The following HS3ST2 variants were observed in gnomAD, a reference collection of about 807,000 sequenced individuals.
HS3ST2 encodes the protein heparan sulfate glucosamine 3-O-sulfotransferase 2.
A neutral mutation model predicts 26.3 loss-of-function variants in HS3ST2; 17 were observed. The observed-to-expected ratio is 0.65, with a 90% CI of 0.44 to 0.97. The LOEUF (loss-of-function observed/expected upper bound fraction) is 0.97, where lower values mean the gene tolerates loss of function less well. HS3ST2 is among the 50% of genes least tolerant of loss of function. The pLI is 0.00. For synonymous variants in HS3ST2, 237 were observed against 219.2 expected (o/e 1.08, Z -0.72); for missense variants, 402 against 501.2 (o/e 0.80, Z 1.89).
intron 1 of HS3ST2, among the ~76,000 whole-genome samples, chr16:22,887,638 C>T (rs575019375): frequency 1.1e-4 from 17 of 152,316 alleles, no homozygotes; most frequent in Non-Finnish European, 2.2e-4. Context: ...GTGCTTGGCT[C>T]AGATCCCTCT....
intron 1 of HS3ST2, among the ~76,000 whole-genome samples, chr16:22,880,283 G>T (rs538337906): frequency 1.1e-3 from 168 of 152,230 alleles, no homozygotes; most frequent in African/African-American, 3.8e-3. Flanking sequence ...GCTGGGTGTG[G>T]TGGCACACCT....
chr16:22,874,669 G>T (rs1596622204), intron 1 of HS3ST2, among the ~76,000 whole-genome samples: 1 of 152,222 alleles, frequency 6.6e-6, no homozygotes, highest in East Asian at 1.9e-4. Context: ...ACCTGCTGGG[G>T]CTGGAACCTG....
chr16:22,889,891 A>G (rs917859320), intron 1 of HS3ST2, among the ~76,000 whole-genome samples: 3 of 152,198 alleles, frequency 2.0e-5, no homozygotes, highest in African/African-American at 7.2e-5. Flanking sequence ...GAAATAACAG[A>G]CTTTTGACAA....
chr16:22,857,005 C>T (rs191296964), intron 1 of HS3ST2, among the ~76,000 whole-genome samples: 2 of 152,190 alleles, frequency 1.3e-5, no homozygotes, highest in Admixed American at 1.3e-4. Context: ...ATAATATATT[C>T]GAGGCACTAT....
chr16:22,870,191 G>A (rs528366654), intron 1 of HS3ST2, among the ~76,000 whole-genome samples: 5 of 152,016 alleles, frequency 3.3e-5, no homozygotes, highest in African/African-American at 7.2e-5. Flanking sequence ...CCTCTGACTC[G>A]CTCATGCATA....
chr16:22,853,268 C>T (rs1901542770), intron 1 of HS3ST2, among the ~76,000 whole-genome samples: 1 of 152,190 alleles, frequency 6.6e-6, no homozygotes. Flanking sequence ...TGTTTTCAAA[C>T]TTCTTACAGG....
At chr16:22,823,553 G>A (rs936773607) in intron 1 of HS3ST2, among the ~76,000 whole-genome samples, 7 of 151,482 alleles carry the variant, frequency 4.6e-5, no homozygotes, top group South Asian at 2.1e-4. Flanking sequence ...GGAGGCCGAC[G>A]CTGGGTAATC....
chr16:22,840,072 T>C (rs889728645), intron 1 of HS3ST2, among the ~76,000 whole-genome samples: 25 of 152,252 alleles, frequency 1.6e-4, no homozygotes, highest in African/African-American at 6.0e-4. Context: ...GAGCTGGAAT[T>C]GTGGTGCAAA....
chr16:22,816,349 G>T (rs148193684), intron 1 of HS3ST2, among the ~76,000 whole-genome samples: 1 of 152,168 alleles, frequency 6.6e-6, no homozygotes, highest in Non-Finnish European at 1.5e-5. Context: ...ATTGGACAAG[G>T]GACAACTTTG....
chr16:22,885,647 G>A (rs1358401857), intron 1 of HS3ST2, among the ~76,000 whole-genome samples: 1 of 151,962 alleles, frequency 6.6e-6, no homozygotes, highest in Non-Finnish European at 1.5e-5. Context: ...ATAGAGACGG[G>A]CCTTCACCGT....
chr16:22,849,278 T>C (rs1307686609), intron 1 of HS3ST2, among the ~76,000 whole-genome samples: 1 of 152,204 alleles, frequency 6.6e-6, no homozygotes, highest in Non-Finnish European at 1.5e-5. Flanking sequence ...TACTTACCTC[T>C]TTAAAGTAAC....
Position 22,860,835 on chromosome 16 carries a change from A to G in HS3ST2, c.485+45740A>G, listed in dbSNP as rs185303342. On this transcript the variant is annotated intron_variant, in intron 1 of 1. Coordinates refer to ENST00000261374, the MANE Select transcript of HS3ST2 (RefSeq NM_006043.2). ...CATCTTACAATATATGGTAGAATAT[A>G]TAGTATATTTAATATAGTAATAGAT... Among the ~76,000 whole-genome samples the G allele has an allele frequency of 6.0e-4, 90 of 150,564 alleles. 1 individual carries two copies. Among genetic ancestry groups the G allele is most frequent in the African/African-American group, 2.1e-3 (86 of 41,146 alleles).
intron 1 of HS3ST2, among the ~76,000 whole-genome samples, chr16:22,894,688 C>T (rs1281575699): frequency 2.0e-5 from 3 of 151,194 alleles, no homozygotes; most frequent in East Asian, 2.0e-4. Context: ...CACTTGAGGC[C>T]AGATGTTCAA....
intron 1 of HS3ST2, among the ~76,000 whole-genome samples, chr16:22,874,907 C>G (rs1204459446): frequency 3.9e-5 from 6 of 152,142 alleles, no homozygotes; most frequent in Non-Finnish European, 5.9e-5. Flanking sequence ...AGGGTCAATC[C>G]CAAATCACAT....
chr16:22,906,392 T>TAAATAAATAAATAAAA (rs1363386971), intron 1 of HS3ST2, among the ~76,000 whole-genome samples: 2 of 151,890 alleles, frequency 1.3e-5, no homozygotes, highest in African/African-American at 2.4e-5. Flanking sequence ...AATAAATAAA[T>TAAATAAATAAATAAAA]AAAATTTCAG....
At position 22,815,045 on chromosome 16, in the gene HS3ST2, G is replaced by T. The variant is rs200237470; in HGVS notation, c.435G>T (p.Thr145=). ...ACCCGGACGTGCGGGCCTTGGGCACGGAACCCCACTTCTTTGACAGGAACT... is the reference window on the plus strand; with the variant it reads ...ACCCGGACGTGCGGGCCTTGGGCACTGAACCCCACTTCTTTGACAGGAACT... The part of the protein sequence containing the change: ...RVHPDVRALG[T]EPHFFDRNYG... Residue 145 remains threonine (T), a synonymous_variant, in exon 1 of 2, where the codon ACG becomes ACT. Transcript: ENST00000261374. 6.2e-7 allele frequency: 1 copy of T among 1,613,018 alleles called. No homozygotes were observed. The highest frequency in any genetic ancestry group is 8.5e-7 in the Non-Finnish European group (1 of 1,180,032).
intron 1 of HS3ST2, among the ~76,000 whole-genome samples, chr16:22,885,452 T>C (rs1025443685): frequency 6.6e-6 from 1 of 151,636 alleles, no homozygotes; most frequent in African/African-American, 2.4e-5. Context: ...ATTTTTCTTT[T>C]CTTTTCTTTG....
At chr16:22,862,202 C>T (rs570551357) in intron 1 of HS3ST2, among the ~76,000 whole-genome samples, 1 of 151,662 alleles carries the variant, frequency 6.6e-6, no homozygotes, top group Non-Finnish European at 1.5e-5. Context: ...ATTAGGCCTT[C>T]CTGTTTTAGG....
At chr16:22,869,877 A>G (rs1197033467) in intron 1 of HS3ST2, among the ~76,000 whole-genome samples, 1 of 152,186 alleles carries the variant, frequency 6.6e-6, no homozygotes, top group Non-Finnish European at 1.5e-5. Flanking sequence ...CCTATGGTCT[A>G]GCTCAGGTTG....
Sources: gnomAD v4.1 joint callset for allele counts (sites outside exome capture counted in the v4.1 genomes callset) on GRCh38, gnomAD v4.1.1 for gene constraint, MANE v1.5 for transcripts, NCBI Gene and HGNC (gene_info 2026-07-23, HGNC 2026-07-21) for gene names.